Variants in GLDC observed in about 807,000 individuals in gnomAD.
GLDC encodes the protein glycine decarboxylase, also known as glycine dehydrogenase (decarboxylating), mitochondrial.
In GLDC, 104 loss-of-function variants were observed where a neutral mutation model predicts 121.3. The ratio of observed to expected loss-of-function variants is 0.86; its 90% CI spans 0.73 to 1.01. GLDC has a LOEUF of 1.01. Among genes scored for constraint, GLDC ranks in the 50% least tolerant of loss-of-function variants. GLDC has a pLI of 0.00. For synonymous variants in GLDC, 546 were observed against 480.6 expected (o/e 1.14, Z -1.78); for missense variants, 1,429 against 1,306.6 (o/e 1.09, Z -1.44).
intron 2 of GLDC, among the ~76,000 whole-genome samples, chr9:6,629,876 G>C (rs533925386): frequency 1.2e-4 from 18 of 145,896 alleles, no homozygotes; most frequent in African/African-American, 4.4e-4. Flanking sequence ...TGATTCACAA[G>C]AAATTGATAA....
intron 14 of GLDC, among the ~76,000 whole-genome samples, chr9:6,588,186 T>TA (rs759722556): frequency 2.2e-4 from 34 of 152,244 alleles, no homozygotes; most frequent in Non-Finnish European, 4.6e-4. Flanking sequence ...TTAATTTTAT[T>TA]AAAAAATAAT....
chr9:6,588,033 G>C (rs2129834936), intron 14 of GLDC, among the ~76,000 whole-genome samples: 1 of 142,470 alleles, frequency 7.0e-6, no homozygotes, highest in Non-Finnish European at 1.5e-5. Flanking sequence ...TTTCTAGAAA[G>C]ACGGCTTAAG....
intron 2 of GLDC, among the ~76,000 whole-genome samples, chr9:6,633,693 G>A (rs1008822698): frequency 6.6e-6 from 1 of 152,034 alleles, no homozygotes; most frequent in African/African-American, 2.4e-5. Context: ...GGCCAAGGAG[G>A]GTGGATCACC....
intron 6 of GLDC, 125 bp from the exon 7 acceptor site, chr9:6,604,909 G>A: frequency 2.2e-6 from 2 of 909,806 alleles, no homozygotes; most frequent in South Asian, 2.7e-5. Flanking sequence ...GAACTCCATT[G>A]CTCATTCATT....
chr9:6,539,479 C>G (rs1196733611), intron 22 of GLDC, among the ~76,000 whole-genome samples: 1 of 151,856 alleles, frequency 6.6e-6, no homozygotes, highest in Non-Finnish European at 1.5e-5. Context: ...ACTCTGTCTC[C>G]CCAACCCCCA....
At chr9:6,587,583 G>GT (rs1259369180) in intron 14 of GLDC, among the ~76,000 whole-genome samples, 3 of 152,186 alleles carry the variant, frequency 2.0e-5, no homozygotes, top group Non-Finnish European at 4.4e-5. Context: ...AACACAATGA[G>GT]TTGCTTCAGG....
At chr9:6,578,776 T>C (rs1198695222) in intron 15 of GLDC, among the ~76,000 whole-genome samples, 2 of 152,184 alleles carry the variant, frequency 1.3e-5, no homozygotes, top group African/African-American at 4.8e-5. Context: ...CAAGTGATCC[T>C]CCTGCCTCAG....
chr9:6,594,435 C>T (rs1818447638), intron 9 of GLDC, among the ~76,000 whole-genome samples: 3 of 152,056 alleles, frequency 2.0e-5, no homozygotes, highest in Non-Finnish European at 4.4e-5. Context: ...GTGGCTCACG[C>T]CTGTAATCCC....
At chr9:6,623,408 T>A (rs1202104732) in intron 2 of GLDC, among the ~76,000 whole-genome samples, 1 of 147,990 alleles carries the variant, frequency 6.8e-6, no homozygotes, top group Non-Finnish European at 1.5e-5. Flanking sequence ...AAACAGATGC[T>A]TGAAGGCAGC....
At position 6,534,743 on chromosome 9, in the gene GLDC, G is replaced by A. The variant is rs1172061571; in HGVS notation, c.2884C>T (p.Arg962Trp). 1 of 1,606,784 alleles carries A rather than the reference G, an allele frequency of 6.2e-7. No individual in the cohort carries two copies. The highest frequency in any genetic ancestry group is 1.1e-5 in the South Asian group (1 of 90,894). The change falls in exon 24 of 25, where the codon CGG becomes TGG. Residue 962 changes from arginine (R) to tryptophan (W), a missense_variant. Arg to Trp is a moderately radical substitution (Grantham distance 101). Coordinates refer to ENST00000321612, the MANE Select transcript of GLDC (RefSeq NM_000170.3). ...LTCVTSSHWD[R>W]PYSREVAAFP... is the part of the protein sequence containing the mutation. ...GCTGCCACCTCTCTGGAATAAGGCCGGTCCCAGTGGGAAGATGTAACGCAG... is the reference window on the plus strand; with the variant it reads ...GCTGCCACCTCTCTGGAATAAGGCCAGTCCCAGTGGGAAGATGTAACGCAG...
At chr9:6,585,258 A>T (rs1358542462) in intron 15 of GLDC, among the ~76,000 whole-genome samples, 2 of 152,222 alleles carry the variant, frequency 1.3e-5, no homozygotes, top group Non-Finnish European at 2.9e-5. Flanking sequence ...TAATAACCAG[A>T]ATTAAAATAG....
At chr9:6,610,467 G>C in intron 3 of GLDC, 111 bp from the exon 4 acceptor site, 2 of 990,286 alleles carry the variant, frequency 2.0e-6, no homozygotes, top group African/African-American at 1.6e-5. Flanking sequence ...ATCTTGAGGA[G>C]AATTACATAA....
intron 10 of GLDC, 112 bp from the exon 11 acceptor site, chr9:6,592,335 A>G: frequency 1.3e-6 from 1 of 748,888 alleles, no homozygotes; most frequent in Non-Finnish European, 2.4e-6. Flanking sequence ...CATCATTCCA[A>G]AATATCAGGG....
At chr9:6,546,802 A>T (rs1817401816) in intron 21 of GLDC, among the ~76,000 whole-genome samples, 1 of 151,726 alleles carries the variant, frequency 6.6e-6, no homozygotes, top group Admixed American at 6.6e-5. Context: ...TCTCTACTAA[A>T]AATACAAAAA....
At chr9:6,616,929 C>A (rs1191192623) in intron 3 of GLDC, among the ~76,000 whole-genome samples, 1 of 152,080 alleles carries the variant, frequency 6.6e-6, no homozygotes, top group African/African-American at 2.4e-5. Context: ...CAAAAATATA[C>A]CAAACAGAAA....
intron 2 of GLDC, among the ~76,000 whole-genome samples, chr9:6,640,977 G>T (rs1755604): frequency 6.6e-6 from 1 of 152,012 alleles, no homozygotes; most frequent in Non-Finnish European, 1.5e-5. Flanking sequence ...TGTTGAGTGC[G>T]TGTGGATGGG....
chr9:6,619,151 A>AAAAAG (rs1819028687), intron 3 of GLDC, among the ~76,000 whole-genome samples: 1 of 48,584 alleles, frequency 2.1e-5, no homozygotes, highest in African/African-American at 9.1e-5. Context: ...TCAGGCAAAA[A>AAAAAG]AAAAAAAAAA....
chr9:6,537,082 G>A lies in GLDC; in HGVS notation c.2666-846C>T, dbSNP rs1817143640. Among the ~76,000 whole-genome samples, 3 of 148,856 alleles carry A rather than the reference G, an allele frequency of 2.0e-5. 1 individual carries two copies. Among genetic ancestry groups the A allele is most frequent in the South Asian group, 4.2e-4 (2 of 4,740 alleles). On this transcript the variant is annotated intron_variant, in intron 22 of 24. Transcript: ENST00000321612. Reference sequence around the variant, plus strand: ...GTCTTGCTGTATCGCTCAGGTTAGAGTGCACTGGCACACTCACGGCTCACT... The same window carrying A: ...GTCTTGCTGTATCGCTCAGGTTAGAATGCACTGGCACACTCACGGCTCACT...
At chr9:6,593,274 T>TAC (rs1407168307) in intron 9 of GLDC, among the ~76,000 whole-genome samples, 1 of 150,624 alleles carries the variant, frequency 6.6e-6, no homozygotes, top group Non-Finnish European at 1.5e-5. Context: ...ATCAGATATA[T>TAC]ATATATATAT....
Sources: allele counts gnomAD v4.1 joint callset (sites outside exome capture counted in the v4.1 genomes callset), GRCh38; gene constraint gnomAD v4.1.1; transcripts MANE v1.5; gene names NCBI Gene and HGNC (gene_info 2026-07-23, HGNC 2026-07-21).